SPAG16: variants seen among roughly 807,000 people sequenced by gnomAD.
SPAG16 encodes the protein sperm-associated antigen 16 protein.
A neutral mutation model predicts 80.4 loss-of-function variants in SPAG16; 86 were observed. The observed-to-expected ratio is 1.07, with a 90% CI of 0.90 to 1.28. The LOEUF (loss-of-function observed/expected upper bound fraction) is 1.28, where lower values mean the gene tolerates loss of function less well. Among genes scored for constraint, SPAG16 ranks in the 50% most tolerant of loss-of-function variants. The probability of loss-of-function intolerance (pLI) is 0.00; values close to 1 mark genes in which losing one functional copy is unlikely to be tolerated. For missense variants in SPAG16, 870 were observed against 765.3 expected, an observed-to-expected ratio of 1.14 and a Z score of -1.61; for synonymous variants, 294 against 265.9, an observed-to-expected ratio of 1.11 and a Z score of -1.03.
intron 15 of SPAG16, among the ~76,000 whole-genome samples, chr2:214,366,835 G>A (rs529396878): frequency 6.6e-6 from 1 of 151,876 alleles, no homozygotes; most frequent in Non-Finnish European, 1.5e-5. Flanking sequence ...TACCTAAACA[G>A]CTTGATATAG....
chr2:213,463,015 A>T (rs1450262290), intron 9 of SPAG16, among the ~76,000 whole-genome samples: 1 of 152,204 alleles, frequency 6.6e-6, no homozygotes, highest in Non-Finnish European at 1.5e-5. Context: ...AATGGCTTTG[A>T]CCAAAATGCT....
intron 12 of SPAG16, among the ~76,000 whole-genome samples, chr2:213,990,159 T>C (rs1488266685): frequency 6.6e-6 from 1 of 152,150 alleles, no homozygotes; most frequent in Non-Finnish European, 1.5e-5. Context: ...TAGAAATGTA[T>C]GTGGTTACAA....
intron 10 of SPAG16, among the ~76,000 whole-genome samples, chr2:213,597,380 T>G (rs1046344259): frequency 1.3e-5 from 2 of 152,160 alleles, no homozygotes; most frequent in African/African-American, 4.8e-5. Context: ...ATGACTTCTT[T>G]CCATCCTTAA....
intron 9 of SPAG16, among the ~76,000 whole-genome samples, chr2:213,461,499 A>G (rs1312324132): frequency 6.6e-6 from 1 of 152,208 alleles, no homozygotes; most frequent in East Asian, 1.9e-4. Context: ...TTTGTTAAGC[A>G]GGGAGACATA....
chr2:213,473,506 T>G (rs2073202063), intron 9 of SPAG16, among the ~76,000 whole-genome samples: 1 of 152,204 alleles, frequency 6.6e-6, no homozygotes, highest in African/African-American at 2.4e-5. Flanking sequence ...AGGTCTGAAG[T>G]GACTAATCCA....
intron 10 of SPAG16, among the ~76,000 whole-genome samples, chr2:213,541,722 G>C (rs1268674280): frequency 6.6e-6 from 1 of 152,160 alleles, no homozygotes; most frequent in Non-Finnish European, 1.5e-5. Flanking sequence ...AAGAATTTCA[G>C]ACCTCTATCG....
intron 10 of SPAG16, among the ~76,000 whole-genome samples, chr2:213,860,473 CTA>C (rs1302682780): frequency 1.1e-3 from 83 of 78,768 alleles, no homozygotes; most frequent in Admixed American, 2.2e-3. Flanking sequence ...ATATATCTAT[CTA>C]TATATATATA....
intron 9 of SPAG16, among the ~76,000 whole-genome samples, chr2:213,451,153 A>G (rs1039542351): frequency 2.0e-5 from 3 of 152,196 alleles, no homozygotes; most frequent in Non-Finnish European, 4.4e-5. Flanking sequence ...TTTCATGAGT[A>G]TTATCTCATT....
intron 14 of SPAG16, among the ~76,000 whole-genome samples, chr2:214,141,529 T>G (rs554156177): frequency 6.6e-6 from 1 of 152,250 alleles, no homozygotes; most frequent in East Asian, 1.9e-4. Flanking sequence ...ATTATATATT[T>G]TGACCAATGC....
chr2:213,816,620 A>G (rs866534530), intron 10 of SPAG16, among the ~76,000 whole-genome samples: 1 of 152,180 alleles, frequency 6.6e-6, no homozygotes, highest in Admixed American at 6.5e-5. Context: ...TGAGATACTT[A>G]TGCCAATATC....
chr2:213,832,077 A>G lies in SPAG16; in HGVS notation c.1071-30408A>G, dbSNP rs1211566980. ...AGTGGCACAATCTTGGCTCACTGCA[A>G]CCTCCTTCCCCCCGGGTTCAAGTGG... On this transcript the variant is annotated intron_variant, in intron 10 of 15. Coordinates refer to ENST00000331683, the MANE Select transcript of SPAG16 (RefSeq NM_024532.5). Among the ~76,000 whole-genome samples the G allele has an allele frequency of 1.2e-4, 18 of 151,788 alleles. 1 individual carries two copies. Among genetic ancestry groups the G allele is most frequent in the Admixed American group, 1.2e-3 (18 of 15,256 alleles).
chr2:213,778,674 G>C (rs770747347), intron 10 of SPAG16, among the ~76,000 whole-genome samples: 1 of 151,880 alleles, frequency 6.6e-6, no homozygotes, highest in Non-Finnish European at 1.5e-5. Context: ...TCTCCCTTCT[G>C]TTCTGTCCCT....
rs1378992952 is a variant in SPAG16 at position 213,364,170 on chromosome 2, C to T, written c.832+25C>T. Reference sequence around the variant, plus strand: ...GGTAAATGTAAAATGTGATGAAGCTCTCATTTAATATAGTTTGGTGATTTC... The same window carrying T: ...GGTAAATGTAAAATGTGATGAAGCTTTCATTTAATATAGTTTGGTGATTTC... On this transcript the variant is annotated intron_variant, in intron 8 of 15. Transcript: ENST00000331683. 4 of 1,395,342 alleles carry T rather than the reference C, an allele frequency of 2.9e-6. No homozygotes were observed. The Admixed American group carries it at 7.4e-5, about 26-fold the overall frequency. The allele number at this position is 1,395,342 out of a possible 1,614,324, so 86.4% of individuals were successfully genotyped here.
At chr2:213,295,108 A>G (rs1340726971) in intron 1 of SPAG16, among the ~76,000 whole-genome samples, 1 of 152,184 alleles carries the variant, frequency 6.6e-6, no homozygotes, top group African/African-American at 2.4e-5. Flanking sequence ...TTTTATAATC[A>G]GCAGCAAAAT....
chr2:213,930,172 T>G (rs201517197), intron 12 of SPAG16, 27 bp downstream of exon 12: 1 of 1,581,808 alleles, frequency 6.3e-7, no homozygotes, highest in Non-Finnish European at 8.6e-7. Context: ...ACATTACTAA[T>G]CCTCTGTGCT....
At chr2:214,326,613 A>C (rs1196596232) in intron 15 of SPAG16, among the ~76,000 whole-genome samples, 1 of 152,176 alleles carries the variant, frequency 6.6e-6, no homozygotes, top group Non-Finnish European at 1.5e-5. Flanking sequence ...CAGCCCCAGC[A>C]TGATAGAGGT....
intron 15 of SPAG16, among the ~76,000 whole-genome samples, chr2:214,372,515 G>T (rs1305710567): frequency 6.6e-6 from 1 of 152,146 alleles, no homozygotes; most frequent in East Asian, 1.9e-4. Flanking sequence ...ATATATCTCT[G>T]GGAATTGTTT....
intron 12 of SPAG16, among the ~76,000 whole-genome samples, chr2:213,959,625 T>C (rs1225219051): frequency 6.6e-6 from 1 of 152,182 alleles, no homozygotes; most frequent in Non-Finnish European, 1.5e-5. Flanking sequence ...TGGACTTTAC[T>C]GAAGGCATAA....
Position 214,108,276 on chromosome 2 carries a change from C to G in SPAG16, c.1593+15C>G. ...TTGATCCCAGGGTAAGTTCAGTTCTCCCAGTAAACTGTTTTTAATGCTTCA... is the reference window on the plus strand; with the variant it reads ...TTGATCCCAGGGTAAGTTCAGTTCTGCCAGTAAACTGTTTTTAATGCTTCA... On this transcript the variant is annotated intron_variant, in intron 14 of 15. Transcript: ENST00000331683. The G allele has an allele frequency of 6.3e-7, 1 of 1,590,142 alleles. No individual in the cohort carries two copies.
Sources: allele counts gnomAD v4.1 joint callset (sites outside exome capture counted in the v4.1 genomes callset), GRCh38; gene constraint gnomAD v4.1.1; transcripts MANE v1.5; gene names NCBI Gene and HGNC (gene_info 2026-07-23, HGNC 2026-07-21).